Variants in NRCAM observed in about 807,000 individuals in gnomAD.
NRCAM encodes the protein NgCAM-related cell adhesion molecule.
In NRCAM, 83 loss-of-function variants were observed where a neutral mutation model predicts 156.5. The ratio of observed to expected loss-of-function variants is 0.53; its 90% CI spans 0.44 to 0.64. The LOEUF is 0.64. NRCAM is among the 30% of genes least tolerant of loss of function. The probability of loss-of-function intolerance (pLI) is 0.00; values close to 1 mark genes in which losing one functional copy is unlikely to be tolerated. For missense variants in NRCAM, 1,417 were observed against 1,597.3 expected (o/e 0.89, Z 1.92); for synonymous variants, 538 against 563.9 (o/e 0.95, Z 0.65).
At chr7:108,453,867 T>C (rs374160295) in intron 1 of NRCAM, among the ~76,000 whole-genome samples, 2 of 152,216 alleles carry the variant, frequency 1.3e-5, no homozygotes, top group East Asian at 3.8e-4. Flanking sequence ...CATGTTTCTA[T>C]ATATTTAGGA....
At chr7:108,161,855 G>A (rs1331372154) in intron 30 of NRCAM, among the ~76,000 whole-genome samples, 1 of 152,072 alleles carries the variant, frequency 6.6e-6, no homozygotes, top group Admixed American at 6.5e-5. Flanking sequence ...CAAGTCAAAG[G>A]CTGGTAGCCT....
At chr7:108,181,523 T>C (rs1165357187) in intron 24 of NRCAM, among the ~76,000 whole-genome samples, 1 of 152,208 alleles carries the variant, frequency 6.6e-6, no homozygotes, top group Non-Finnish European at 1.5e-5. Flanking sequence ...GAGTTGGTAA[T>C]ATTCTAGGTC....
chr7:108,371,670 C>T (rs917336529), intron 2 of NRCAM, among the ~76,000 whole-genome samples: 2 of 152,136 alleles, frequency 1.3e-5, no homozygotes, highest in African/African-American at 4.8e-5. Flanking sequence ...ATGATTAAGA[C>T]ACTGCCTCTT....
At chr7:108,416,657 C>T (rs1019597019) in intron 1 of NRCAM, among the ~76,000 whole-genome samples, 2 of 152,120 alleles carry the variant, frequency 1.3e-5, no homozygotes, top group African/African-American at 4.8e-5. Context: ...TTATAGTATG[C>T]TTTTCAAGAT....
intron 3 of NRCAM, among the ~76,000 whole-genome samples, chr7:108,280,214 C>A (rs2097796236): frequency 1.3e-5 from 2 of 152,330 alleles, no homozygotes; most frequent in Middle Eastern, 3.4e-3. Flanking sequence ...TAAAATTATT[C>A]TTCCCAACAG....
chr7:108,433,177 G>C (rs1199011262), intron 1 of NRCAM, among the ~76,000 whole-genome samples: 1 of 152,062 alleles, frequency 6.6e-6, no homozygotes, highest in East Asian at 1.9e-4. Flanking sequence ...GAAGGTCCAA[G>C]CTTTCCAAGC....
At chr7:108,200,755 C>CAT (rs2077533718) in intron 13 of NRCAM, among the ~76,000 whole-genome samples, 1 of 137,162 alleles carries the variant, frequency 7.3e-6, no homozygotes, top group South Asian at 2.3e-4. Flanking sequence ...CACACACACA[C>CAT]ACACACACAC....
At chr7:108,193,802 C>T (rs544053586) in intron 17 of NRCAM, among the ~76,000 whole-genome samples, 67 of 152,266 alleles carry the variant, frequency 4.4e-4, no homozygotes, top group African/African-American at 1.3e-3. Flanking sequence ...GAGACCAGCA[C>T]GCAAAGATAG....
intron 3 of NRCAM, among the ~76,000 whole-genome samples, chr7:108,305,872 T>C (rs943078453): frequency 2.0e-5 from 3 of 152,216 alleles, no homozygotes; most frequent in African/African-American, 4.8e-5. Flanking sequence ...CAAATAAGAT[T>C]AGTGTTTCCA....
chr7:108,328,962 G>C lies in NRCAM; in HGVS notation c.-173-16231C>G, dbSNP rs532521504. ...TCAGCCTCAGAACCTACATCACATA[G>C]ATGGTAGAACTTGCTGTCCAATGAC... On this transcript the variant is annotated intron_variant, in intron 2 of 32. Coordinates refer to ENST00000379028, the MANE Select transcript of NRCAM (RefSeq NM_001037132.4). Among the ~76,000 whole-genome samples, 459 of 152,268 alleles carry C rather than the reference G, an allele frequency of 3.0e-3. 3 individuals are homozygous for C. Among genetic ancestry groups the C allele is most frequent in the Non-Finnish European group, 5.0e-3 (339 of 68,030 alleles).
intron 28 of NRCAM, among the ~76,000 whole-genome samples, chr7:108,171,510 A>AC (rs2058414429): frequency 6.6e-6 from 1 of 152,048 alleles, no homozygotes; most frequent in South Asian, 2.1e-4. Context: ...TATGACCCCT[A>AC]CCAAGACTTT....
chr7:108,282,087 CT>C (rs1186542667), intron 3 of NRCAM, among the ~76,000 whole-genome samples: 1 of 152,170 alleles, frequency 6.6e-6, no homozygotes. Context: ...TTATTTAGTA[CT>C]TCTGGATGTA....
intron 1 of NRCAM, among the ~76,000 whole-genome samples, chr7:108,440,940 C>T (rs950675563): frequency 3.9e-5 from 6 of 152,174 alleles, no homozygotes; most frequent in African/African-American, 1.4e-4. Flanking sequence ...AAAAACACAA[C>T]AGGCCTCTGT....
At chr7:108,330,969 G>A (rs965275573) in intron 2 of NRCAM, among the ~76,000 whole-genome samples, 1 of 152,112 alleles carries the variant, frequency 6.6e-6, no homozygotes, top group Non-Finnish European at 1.5e-5. Flanking sequence ...TCTTAGTTAT[G>A]CTTAGTATCC....
intron 3 of NRCAM, among the ~76,000 whole-genome samples, chr7:108,278,464 G>A (rs984624077): frequency 5.3e-5 from 8 of 152,178 alleles, no homozygotes; most frequent in African/African-American, 1.4e-4. Context: ...CCTCAGCAAC[G>A]GCGGACGCCC....
intron 1 of NRCAM, among the ~76,000 whole-genome samples, chr7:108,453,225 A>G (rs1852517543): frequency 6.6e-6 from 1 of 152,234 alleles, no homozygotes; most frequent in South Asian, 2.1e-4. Flanking sequence ...AACAGCTCCT[A>G]TGTACATACA....
At chr7:108,194,557 T>C in intron 15 of NRCAM, 129 bp from the exon 16 acceptor site, 1 of 611,350 alleles carries the variant, frequency 1.6e-6, no homozygotes, top group Non-Finnish European at 2.7e-6. Context: ...AGGATTGTAC[T>C]TTTGAAAGTA....
intron 30 of NRCAM, 54 bp downstream of exon 30, chr7:108,166,867 C>T: frequency 6.4e-7 from 1 of 1,558,694 alleles, no homozygotes; most frequent in Non-Finnish European, 8.8e-7. Flanking sequence ...GCTGGAGCAC[C>T]TGGCGGCCTC....
intron 3 of NRCAM, among the ~76,000 whole-genome samples, chr7:108,271,352 C>A (rs1252003665): frequency 6.6e-6 from 1 of 152,268 alleles, no homozygotes; most frequent in African/African-American, 2.4e-5. Context: ...ATTCAAAACA[C>A]ACTCCTACAC....
Sources: allele counts gnomAD v4.1 joint callset (sites outside exome capture counted in the v4.1 genomes callset), GRCh38; gene constraint gnomAD v4.1.1; transcripts MANE v1.5; gene names NCBI Gene and HGNC (gene_info 2026-07-23, HGNC 2026-07-21).